The following FBN2 variants were observed in gnomAD, a reference collection of about 807,000 sequenced individuals.
FBN2 encodes fibrillin 2.
A neutral mutation model predicts 355.6 loss-of-function variants in FBN2; 105 were observed. That is an observed-to-expected ratio of 0.30 (90% CI 0.25 to 0.35). The LOEUF (loss-of-function observed/expected upper bound fraction) is 0.35, where lower values mean the gene tolerates loss of function less well. Among genes scored for constraint, FBN2 ranks in the 10% least tolerant of loss-of-function variants. The pLI is 1.00. For missense variants in FBN2, 3,280 were observed against 3,758.7 expected (o/e 0.87, Z 3.33); for synonymous variants, 1,350 against 1,301.2 (o/e 1.04, Z -0.81).
At chr5:128,416,848 C>A (rs1753215034) in intron 7 of FBN2, among the ~76,000 whole-genome samples, 1 of 152,018 alleles carries the variant, frequency 6.6e-6, no homozygotes, top group Non-Finnish European at 1.5e-5. Flanking sequence ...TCCATTGATT[C>A]TATATGAATT....
intron 5 of FBN2, among the ~76,000 whole-genome samples, chr5:128,509,649 T>C (rs1465849492): frequency 1.9e-5 from 2 of 107,142 alleles, no homozygotes; most frequent in African/African-American, 7.6e-5. Flanking sequence ...ATACCATGTA[T>C]TGGGATTTTT....
intron 62 of FBN2, among the ~76,000 whole-genome samples, chr5:128,267,409 A>C (rs1253143861): frequency 1.3e-5 from 2 of 152,186 alleles, no homozygotes; most frequent in Non-Finnish European, 2.9e-5. Flanking sequence ...TGTCTTCAAC[A>C]ATGGTTGAAC....
At chr5:128,487,992 A>C (rs1039202935) in intron 5 of FBN2, among the ~76,000 whole-genome samples, 8 of 152,200 alleles carry the variant, frequency 5.3e-5, no homozygotes, top group African/African-American at 1.9e-4. Context: ...AAATTTAGCC[A>C]ACACATAAAA....
intron 33 of FBN2, among the ~76,000 whole-genome samples, chr5:128,329,981 T>C (rs1750649682): frequency 6.6e-6 from 1 of 152,220 alleles, no homozygotes; most frequent in Admixed American, 6.5e-5. Flanking sequence ...TTTTGTGATG[T>C]GTTCTTCTAA....
intron 5 of FBN2, among the ~76,000 whole-genome samples, chr5:128,470,803 C>T (rs1347248534): frequency 6.6e-6 from 1 of 151,870 alleles, no homozygotes; most frequent in South Asian, 2.1e-4. Flanking sequence ...ATGTGACTGT[C>T]AGTGGAATGC....
At chr5:128,370,139 T>C (rs1385092804) in intron 15 of FBN2, among the ~76,000 whole-genome samples, 2 of 152,140 alleles carry the variant, frequency 1.3e-5, no homozygotes, top group Middle Eastern at 3.2e-3. Flanking sequence ...CAAAGAAGCA[T>C]ATTCTGCTTA....
rs368610241 is a variant in FBN2, at chr5:128,289,878, G to T, written c.6511+4C>A. 2.2e-5 allele frequency: 34 copies of T among 1,539,658 alleles called. No homozygotes were observed. Among genetic ancestry groups the T allele is most frequent in the Non-Finnish European group, 2.9e-5 (32 of 1,112,914 alleles). ...ATATAGGAATAAAATATATCAAAGC[G>T]TACCTTCACGTGTATCATGAAGACT... On this transcript the variant is annotated splice_donor_region_variant and intron_variant, in intron 51 of 64. Transcript: ENST00000262464.
chr5:128,534,411 C>T (rs890086627), intron 2 of FBN2, among the ~76,000 whole-genome samples: 1 of 152,168 alleles, frequency 6.6e-6, no homozygotes, highest in African/African-American at 2.4e-5. Context: ...TTAAATGAGA[C>T]TCATGCAATA....
chr5:128,475,838 C>T (rs1056381678), intron 5 of FBN2, among the ~76,000 whole-genome samples: 4 of 152,128 alleles, frequency 2.6e-5, no homozygotes, highest in African/African-American at 9.7e-5. Context: ...AGTGAAATAG[C>T]ATTCACAGGC....
At chr5:128,387,790 T>C (rs1001849868) in intron 11 of FBN2, among the ~76,000 whole-genome samples, 1 of 152,182 alleles carries the variant, frequency 6.6e-6, no homozygotes, top group African/African-American at 2.4e-5. Flanking sequence ...GTATGTGCTA[T>C]GTTACAGATG....
intron 5 of FBN2, among the ~76,000 whole-genome samples, chr5:128,495,444 C>A (rs1039719972): frequency 6.6e-6 from 1 of 151,938 alleles, no homozygotes; most frequent in Non-Finnish European, 1.5e-5. Flanking sequence ...TTAATTTATA[C>A]CTCCAAGAAG....
chr5:128,266,970 C>T (rs926728660), intron 62 of FBN2, among the ~76,000 whole-genome samples: 4 of 151,450 alleles, frequency 2.6e-5, no homozygotes, highest in East Asian at 1.9e-4. Context: ...TACCTCCCCT[C>T]GCCCCCCAAC....
intron 21 of FBN2, 109 bp downstream of exon 21, chr5:128,350,759 T>C: frequency 7.8e-7 from 1 of 1,275,924 alleles, no homozygotes; most frequent in Non-Finnish European, 1.1e-6. Context: ...TTAGCAAAAG[T>C]AAATGATCTC....
chr5:128,505,675 T>C (rs1313977117), intron 5 of FBN2, among the ~76,000 whole-genome samples: 3 of 152,026 alleles, frequency 2.0e-5, no homozygotes, highest in Non-Finnish European at 1.5e-5. Flanking sequence ...CAAGTCGTCA[T>C]AGTAGTTTTA....
At position 128,280,188 on chromosome 5, in the gene FBN2, T is replaced by G. The variant is rs754485297; in HGVS notation, c.7138+4A>C. The G allele has an allele frequency of 6.2e-7, 1 of 1,611,438 alleles. No individual in the cohort carries two copies. Among genetic ancestry groups the G allele is most frequent in the South Asian group, 1.1e-5 (1 of 91,018 alleles). On this transcript the variant is annotated splice_donor_region_variant and intron_variant, in intron 56 of 64. Transcript: ENST00000262464. ...AAGTATAATATATTTGGATGTCAACTTACCAAGGCATTCAGTGCCTGAAGA... is the reference window on the plus strand; with the variant it reads ...AAGTATAATATATTTGGATGTCAACGTACCAAGGCATTCAGTGCCTGAAGA...
At chr5:128,407,601 AC>A (rs1561441674) in intron 8 of FBN2, among the ~76,000 whole-genome samples, 2 of 152,148 alleles carry the variant, frequency 1.3e-5, no homozygotes, top group South Asian at 4.1e-4. Context: ...GTAGGCTTCT[AC>A]TGTTATTTAT....
intron 30 of FBN2, 91 bp from the exon 31 acceptor site, chr5:128,334,935 A>G (rs1750795939): frequency 1.6e-6 from 2 of 1,268,168 alleles, no homozygotes; most frequent in South Asian, 2.4e-5. Flanking sequence ...ACTGAAATAC[A>G]CAGGCAAGAT....
intron 19 of FBN2, among the ~76,000 whole-genome samples, chr5:128,360,889 A>T (rs1250965305): frequency 6.6e-6 from 1 of 152,168 alleles, no homozygotes; most frequent in Non-Finnish European, 1.5e-5. Flanking sequence ...TTTTCTTAAA[A>T]GTTTCTATTA....
intron 62 of FBN2, among the ~76,000 whole-genome samples, chr5:128,267,950 T>C (rs1765159464): frequency 1.3e-5 from 2 of 152,110 alleles, no homozygotes; most frequent in Admixed American, 6.6e-5. Context: ...AAGTCAACAC[T>C]CTAACATCAC....
Sources: allele counts gnomAD v4.1 joint callset (sites outside exome capture counted in the v4.1 genomes callset), GRCh38; gene constraint gnomAD v4.1.1; transcripts MANE v1.5; gene names NCBI Gene and HGNC (gene_info 2026-07-23, HGNC 2026-07-21).